GOLPH3: variants seen among roughly 807,000 people sequenced by gnomAD.
The protein encoded by GOLPH3 is coat protein GPP34.
GOLPH3 carries 14 observed loss-of-function variants against 28.5 expected under a neutral mutation model. The observed-to-expected ratio is 0.49, with a 90% confidence interval of 0.32 to 0.77. The LOEUF (loss-of-function observed/expected upper bound fraction) is 0.77. GOLPH3 is among the 30% of genes least tolerant of loss of function. GOLPH3 has a pLI of 0.03. For synonymous variants in GOLPH3, 158 were observed against 159.2 expected (o/e 0.99, Z 0.06); for missense variants, 350 against 393.7 (o/e 0.89, Z 0.94).
rs546353648 is a variant in GOLPH3, at chr5:32,171,904, C to A, written c.225+1906G>T. Among the ~76,000 whole-genome samples the A allele has an allele frequency of 4.0e-5, 6 of 151,480 alleles. No individual in the cohort carries two copies. The East Asian group carries it at 1.2e-3, about 29-fold the overall frequency. ...GGGAGGTTGCAGTGAGCCCAGATGG[C>A]GCCACTGCACTCCAGGCCTGGGCGA... On this transcript the variant is annotated intron_variant, in intron 1 of 3. Coordinates refer to ENST00000265070, the MANE Select transcript of GOLPH3 (RefSeq NM_022130.4).
At chr5:32,166,940 G>A (rs1433351543) in intron 1 of GOLPH3, among the ~76,000 whole-genome samples, 1 of 151,764 alleles carries the variant, frequency 6.6e-6, no homozygotes, top group Non-Finnish European at 1.5e-5. Context: ...TCTGATTAAT[G>A]GCAGTAGAAA....
At chr5:32,141,162 CAA>C (rs5867132) in intron 2 of GOLPH3, among the ~76,000 whole-genome samples, 209 of 116,126 alleles carry the variant, frequency 1.8e-3, no homozygotes, top group South Asian at 2.8e-3. Context: ...GACTCAGTCT[CAA>C]AAAAAAAAAA....
At chr5:32,142,226 C>T (rs910942773) in intron 2 of GOLPH3, among the ~76,000 whole-genome samples, 14 of 150,946 alleles carry the variant, frequency 9.3e-5, no homozygotes, top group Non-Finnish European at 1.8e-4. Context: ...CGCCCATCGT[C>T]TGAGATGCGG....
intron 1 of GOLPH3, among the ~76,000 whole-genome samples, chr5:32,164,900 CTTTT>C (rs760066281): frequency 6.7e-5 from 8 of 119,794 alleles, no homozygotes; most frequent in Admixed American, 8.5e-5. Context: ...ATTATGTATT[CTTTT>C]TTTTTTTTTT....
chr5:32,154,227 C>A (rs6859125), intron 1 of GOLPH3, among the ~76,000 whole-genome samples: 1 of 151,876 alleles, frequency 6.6e-6, no homozygotes, highest in African/African-American at 2.4e-5. Flanking sequence ...ACTCCTAACC[C>A]AAAACTTAGT....
intron 1 of GOLPH3, among the ~76,000 whole-genome samples, chr5:32,148,287 T>C (rs1746221795): frequency 6.6e-6 from 1 of 152,220 alleles, no homozygotes; most frequent in African/African-American, 2.4e-5. Flanking sequence ...AAAACATATC[T>C]GGCAAACCAG....
intron 2 of GOLPH3, 72 bp from the exon 3 acceptor site, chr5:32,135,758 C>G: frequency 1.2e-6 from 1 of 833,880 alleles, no homozygotes. Flanking sequence ...AAATGAAAAA[C>G]AAACAATTAT....
chr5:32,141,107 G>A (rs1746051249), intron 2 of GOLPH3, among the ~76,000 whole-genome samples: 1 of 149,152 alleles, frequency 6.7e-6, no homozygotes, highest in Non-Finnish European at 1.5e-5. Context: ...AGGTTGCAGT[G>A]AGCCGAGATC....
At chr5:32,128,779 A>G (rs1287596404) in intron 3 of GOLPH3, among the ~76,000 whole-genome samples, 1 of 151,824 alleles carries the variant, frequency 6.6e-6, no homozygotes, top group East Asian at 1.9e-4. Flanking sequence ...ATCACTTAAC[A>G]TTCACACTGT....
rs1247695796 is a variant in GOLPH3 at position 32,174,085 on chromosome 5, G to C, written c.-51C>G. On this transcript the variant is annotated 5_prime_UTR_variant, in exon 1 of 4. Coordinates refer to ENST00000265070, the MANE Select transcript of GOLPH3 (RefSeq NM_022130.4). ...GCCGAGAGGGTCGCAGGACCGACCGGGTCGCCCTCCTCCTCCCCGCGCGGC... is the reference window on the plus strand; with the variant it reads ...GCCGAGAGGGTCGCAGGACCGACCGCGTCGCCCTCCTCCTCCCCGCGCGGC... 2 of 1,196,810 alleles carry C rather than the reference G, an allele frequency of 1.7e-6. No individual in the cohort carries two copies. The highest frequency in any genetic ancestry group is 2.1e-6 in the Non-Finnish European group (2 of 954,694). The allele number at this position is 1,196,810 out of a possible 1,614,324, so 74.1% of individuals were successfully genotyped here. A position where few individuals can be genotyped will look rare whatever the true frequency, so the allele number is the denominator to read the frequency against.
chr5:32,141,421 G>A (rs1746056579), intron 2 of GOLPH3, among the ~76,000 whole-genome samples: 1 of 152,170 alleles, frequency 6.6e-6, no homozygotes, highest in African/African-American at 2.4e-5. Flanking sequence ...CCTCTATTAA[G>A]AGAAGCACCT....
At chr5:32,167,595 A>G (rs1746745271) in intron 1 of GOLPH3, among the ~76,000 whole-genome samples, 1 of 152,174 alleles carries the variant, frequency 6.6e-6, no homozygotes, top group East Asian at 1.9e-4. Flanking sequence ...TTTTGACCAT[A>G]TTGTAAAAGA....
At chr5:32,136,496 A>C (rs1273881141) in intron 2 of GOLPH3, among the ~76,000 whole-genome samples, 3 of 151,988 alleles carry the variant, frequency 2.0e-5, no homozygotes, top group Non-Finnish European at 4.4e-5. Context: ...AAAAAAAAAA[A>C]AGCTACTGTG....
chr5:32,133,843 A>G (rs1025683350), intron 3 of GOLPH3, among the ~76,000 whole-genome samples: 21 of 152,242 alleles, frequency 1.4e-4, no homozygotes, highest in Admixed American at 3.9e-4. Flanking sequence ...TTACAACTGA[A>G]GACAACTCTA....
chr5:32,138,347 A>C (rs559311447), intron 2 of GOLPH3, among the ~76,000 whole-genome samples: 66 of 152,202 alleles, frequency 4.3e-4, no homozygotes, highest in African/African-American at 1.4e-3. Context: ...AAATATAAAA[A>C]CCACAGTACA....
At chr5:32,150,846 G>A (rs80335411) in intron 1 of GOLPH3, among the ~76,000 whole-genome samples, 4,800 of 152,126 alleles carry the variant, frequency 0.032, 267 homozygotes, top group African/African-American at 0.11. Context: ...ATCTGTACAC[G>A]ATAAAAATGT....
Position 32,142,209 on chromosome 5 carries a change from G to A in GOLPH3, c.357+1540C>T, listed in dbSNP as rs537026749. On this transcript the variant is annotated intron_variant, in intron 2 of 3. Coordinates refer to ENST00000265070, the MANE Select transcript of GOLPH3 (RefSeq NM_022130.4). The stretch of plus-strand genomic sequence containing the variant: ...CATCTGGGAAGTGAGGAGCGTCTCT[G>A]CCCGGCCGCCCATCGTCTGAGATGC... 1.1e-3 allele frequency among the ~76,000 whole-genome samples: 161 copies of A among 151,774 alleles called. 2 individuals are homozygous for A. Among genetic ancestry groups the A allele is most frequent in the African/African-American group, 3.7e-3 (153 of 41,326 alleles).
chr5:32,170,756 G>C (rs1746814930), intron 1 of GOLPH3, among the ~76,000 whole-genome samples: 1 of 151,864 alleles, frequency 6.6e-6, no homozygotes, highest in Non-Finnish European at 1.5e-5. Flanking sequence ...GCAACATCTT[G>C]AGACCTCCAT....
Position 32,157,170 on chromosome 5 carries a change from A to G in GOLPH3, c.226-13290T>C, listed in dbSNP as rs116064085. 3.6e-3 allele frequency among the ~76,000 whole-genome samples: 551 copies of G among 152,282 alleles called. 2 individuals carry two copies. Among genetic ancestry groups the G allele is most frequent in the African/African-American group, 0.013 (520 of 41,556 alleles). The stretch of plus-strand genomic sequence containing the variant: ...TATCTGCCACTCCCTGGGAACTTGG[A>G]CATCAGCATCCTTAAACCCACAACC... On this transcript the variant is annotated intron_variant, in intron 1 of 3. Coordinates refer to ENST00000265070, the MANE Select transcript of GOLPH3 (RefSeq NM_022130.4).
Sources: gnomAD v4.1 joint callset for allele counts (sites outside exome capture counted in the v4.1 genomes callset) on GRCh38, gnomAD v4.1.1 for gene constraint, MANE v1.5 for transcripts, NCBI Gene and HGNC (gene_info 2026-07-23, HGNC 2026-07-21) for gene names.